Variants in OXR1 observed in about 807,000 individuals in gnomAD.
OXR1 encodes the protein oxidation resistance protein 1.
In OXR1, 41 loss-of-function variants were observed where a neutral mutation model predicts 104.6. That is an observed-to-expected ratio of 0.39 (90% CI 0.31 to 0.51). The LOEUF (loss-of-function observed/expected upper bound fraction) is 0.51. Among genes scored for constraint, OXR1 ranks in the 20% least tolerant of loss-of-function variants. OXR1 has a pLI of 0.77. For missense variants in OXR1, 955 were observed against 1,031.9 expected (o/e 0.93, Z 1.02); for synonymous variants, 348 against 348.4 (o/e 1.00, Z 0.01).
At chr8:106,685,943 T>C (rs867504151) in intron 6 of OXR1, among the ~76,000 whole-genome samples, 51 of 152,072 alleles carry the variant, frequency 3.4e-4, no homozygotes, top group African/African-American at 1.2e-3. Flanking sequence ...TACTACTCAG[T>C]CATAAAAAGG....
intron 3 of OXR1, among the ~76,000 whole-genome samples, chr8:106,593,777 A>G (rs1819301406): frequency 6.6e-6 from 1 of 151,818 alleles, no homozygotes; most frequent in Admixed American, 6.6e-5. Flanking sequence ...CTCCATCTCT[A>G]ATAATAATAA....
intron 3 of OXR1, among the ~76,000 whole-genome samples, chr8:106,619,497 CA>C (rs1821518445): frequency 6.6e-6 from 1 of 151,990 alleles, no homozygotes; most frequent in African/African-American, 2.4e-5. Flanking sequence ...GTTTTGAGCC[CA>C]AACAATTTTT....
At chr8:106,288,644 TACAC>T (rs554185975) in intron 1 of OXR1, among the ~76,000 whole-genome samples, 2 of 148,012 alleles carry the variant, frequency 1.4e-5, no homozygotes, top group African/African-American at 4.9e-5. Context: ...TATTAATATA[TACAC>T]ACACATACTC....
chr8:106,482,491 T>C (rs1321314312), intron 2 of OXR1, among the ~76,000 whole-genome samples: 1 of 151,960 alleles, frequency 6.6e-6, no homozygotes, highest in East Asian at 1.9e-4. Context: ...TACATCGATT[T>C]TCTGAACGAC....
chr8:106,301,783 T>A (rs576350798), intron 1 of OXR1, among the ~76,000 whole-genome samples: 1 of 152,338 alleles, frequency 6.6e-6, no homozygotes, highest in South Asian at 2.1e-4. Flanking sequence ...AGAGATATTC[T>A]GGGAGTTATA....
intron 3 of OXR1, among the ~76,000 whole-genome samples, chr8:106,523,653 A>T (rs1813425127): frequency 6.6e-6 from 1 of 152,316 alleles, no homozygotes; most frequent in South Asian, 2.1e-4. Context: ...TGATATTTGA[A>T]ATCCTTCAGA....
intron 2 of OXR1, among the ~76,000 whole-genome samples, chr8:106,436,598 G>T (rs1252886122): frequency 2.6e-5 from 4 of 152,010 alleles, no homozygotes; most frequent in Non-Finnish European, 4.4e-5. Context: ...AAGTTTTAAT[G>T]GTTTAATGGT....
chr8:106,292,413 G>T (rs1351416174), intron 1 of OXR1, among the ~76,000 whole-genome samples: 2 of 152,108 alleles, frequency 1.3e-5, no homozygotes. Flanking sequence ...TTTTGTGGTT[G>T]CACCTCAAAA....
intron 3 of OXR1, among the ~76,000 whole-genome samples, chr8:106,645,762 A>G (rs892615097): frequency 3.3e-5 from 5 of 152,162 alleles, no homozygotes; most frequent in African/African-American, 1.2e-4. Flanking sequence ...TACTTTGGGA[A>G]GAGGAATAAG....
intron 7 of OXR1, among the ~76,000 whole-genome samples, chr8:106,699,819 T>C (rs1257818389): frequency 6.6e-6 from 1 of 152,158 alleles, no homozygotes; most frequent in East Asian, 1.9e-4. Flanking sequence ...TCTTTTTTCA[T>C]CTTCCTACAA....
rs140460822 is a variant in OXR1 at position 106,449,209 on chromosome 8, C to T, written c.24-69734C>T. ...TTAACCTCCCTCAGCTGATGTTACC[C>T]CTCTGATCACTTTTGACTCTTCGTT... On this transcript the variant is annotated intron_variant, in intron 2 of 16. Transcript: ENST00000517566. 6.8e-3 allele frequency among the ~76,000 whole-genome samples: 1,035 copies of T among 152,152 alleles called. 11 individuals are homozygous for T. The highest frequency in any genetic ancestry group is 0.024 in the African/African-American group (995 of 41,514).
intron 2 of OXR1, among the ~76,000 whole-genome samples, chr8:106,363,888 G>A (rs905844868): frequency 1.3e-5 from 2 of 152,044 alleles, no homozygotes; most frequent in African/African-American, 4.8e-5. Flanking sequence ...AGACATCAAG[G>A]CCCTGGAAGA....
chr8:106,593,528 C>G (rs533936207), intron 3 of OXR1, among the ~76,000 whole-genome samples: 6 of 152,200 alleles, frequency 3.9e-5, no homozygotes, highest in Non-Finnish European at 7.3e-5. Context: ...CCTGTAATCC[C>G]AGCACTTTGG....
chr8:106,382,173 C>T (rs988694431), intron 2 of OXR1, among the ~76,000 whole-genome samples: 1 of 152,162 alleles, frequency 6.6e-6, no homozygotes, highest in African/African-American at 2.4e-5. Context: ...TTGGTCAAGT[C>T]ACATTCTTTC....
chr8:106,636,634 T>A (rs1045623641), intron 3 of OXR1, among the ~76,000 whole-genome samples: 12 of 152,206 alleles, frequency 7.9e-5, no homozygotes, highest in Admixed American at 5.2e-4. Context: ...AAAATACAAA[T>A]AGTTTCTCCT....
intron 3 of OXR1, chr8:106,604,642 GGAGA>G (rs1420869869): frequency 1.3e-5 from 2 of 152,150 alleles, no homozygotes; most frequent in African/African-American, 4.8e-5. Context: ...GAGACAAAAA[GGAGA>G]GAGGAAGAGT....
At chr8:106,370,662 A>AT (rs1265086290) in intron 2 of OXR1, among the ~76,000 whole-genome samples, 1 of 151,886 alleles carries the variant, frequency 6.6e-6, no homozygotes, top group African/African-American at 2.4e-5. Flanking sequence ...TAATCATGTG[A>AT]TTTTGTCTTT....
intron 2 of OXR1, among the ~76,000 whole-genome samples, chr8:106,379,931 A>T (rs756175254): frequency 3.2e-4 from 48 of 152,318 alleles, no homozygotes; most frequent in Non-Finnish European, 5.7e-4. Context: ...TTAATATAAC[A>T]GCTTTATCGA....
At chr8:106,420,697 A>G (rs1818868712) in intron 2 of OXR1, among the ~76,000 whole-genome samples, 1 of 151,588 alleles carries the variant, frequency 6.6e-6, no homozygotes, top group Non-Finnish European at 1.5e-5. Context: ...TTCTCAAGTC[A>G]AAGAGACCAT....
Sources: allele counts gnomAD v4.1 joint callset (sites outside exome capture counted in the v4.1 genomes callset), GRCh38; gene constraint gnomAD v4.1.1; transcripts MANE v1.5; gene names NCBI Gene and HGNC (gene_info 2026-07-23, HGNC 2026-07-21).